The following WDR7 variants were observed in gnomAD, a reference collection of about 807,000 sequenced individuals.
WDR7 encodes WD repeat domain 7, also known as WD repeat-containing protein 7.
WDR7 carries 46 observed loss-of-function variants against 169.4 expected under a neutral mutation model. That is an observed-to-expected ratio of 0.27 (90% CI 0.21 to 0.35). The LOEUF (loss-of-function observed/expected upper bound fraction) is 0.35. Among genes scored for constraint, WDR7 ranks in the 10% least tolerant of loss-of-function variants. The pLI is 1.00. For synonymous variants in WDR7, 612 were observed against 666.8 expected, an observed-to-expected ratio of 0.92 and a Z score of 1.27; for missense variants, 1,534 against 1,859.3, an observed-to-expected ratio of 0.83 and a Z score of 3.22.
intron 14 of WDR7, among the ~76,000 whole-genome samples, chr18:56,742,897 T>C (rs1019516612): frequency 1.5e-4 from 23 of 152,060 alleles, no homozygotes; most frequent in African/African-American, 5.5e-4. Context: ...AAGCACCATG[T>C]GAAGGTGCTT....
chr18:56,947,617 A>G (rs991126144), intron 25 of WDR7, among the ~76,000 whole-genome samples: 5 of 152,180 alleles, frequency 3.3e-5, no homozygotes, highest in Admixed American at 2.0e-4. Flanking sequence ...CAGAAGACCA[A>G]TCAACACGGA....
intron 21 of WDR7, among the ~76,000 whole-genome samples, chr18:56,885,525 G>T (rs2046175650): frequency 6.6e-6 from 1 of 151,846 alleles, no homozygotes; most frequent in African/African-American, 2.4e-5. Context: ...ACAAGCAGAA[G>T]AAAGAACTTC....
intron 2 of WDR7, among the ~76,000 whole-genome samples, chr18:56,677,980 A>G (rs548315785): frequency 7.9e-5 from 12 of 152,136 alleles, no homozygotes; most frequent in African/African-American, 2.4e-4. Flanking sequence ...CTTTGACTGT[A>G]TATTTTCAAA....
intron 13 of WDR7, among the ~76,000 whole-genome samples, chr18:56,726,181 T>C (rs796112091): frequency 2.6e-5 from 4 of 152,142 alleles, no homozygotes; most frequent in South Asian, 4.1e-4. Context: ...TTTTCCAATT[T>C]TGTGAAGAAA....
chr18:56,903,410 ATTATTTAT>A (rs750571595), intron 21 of WDR7, among the ~76,000 whole-genome samples: 12 of 151,708 alleles, frequency 7.9e-5, no homozygotes, highest in African/African-American at 2.7e-4. Context: ...TTTTATTTTT[ATTATTTAT>A]TTATTTATTT....
intron 20 of WDR7, among the ~76,000 whole-genome samples, chr18:56,855,374 C>A (rs118037709): frequency 0.017 from 2,647 of 152,046 alleles, 39 homozygotes; most frequent in Non-Finnish European, 0.028. Context: ...CTTTAAGATG[C>A]CTTTGATAAA....
chr18:56,927,077 C>A (rs778447761), intron 22 of WDR7, among the ~76,000 whole-genome samples: 1 of 152,042 alleles, frequency 6.6e-6, no homozygotes, highest in East Asian at 1.9e-4. Context: ...AATTTCAGTT[C>A]ACGTTTATTG....
In WDR7 at chr18:56,757,319, T is replaced by C. The variant is rs1167141946; in HGVS notation, c.2726T>C (p.Phe909Ser). 1.2e-6 allele frequency: 2 copies of C among 1,610,816 alleles called. No homozygotes were observed. The highest frequency in any genetic ancestry group is 1.7e-6 in the Non-Finnish European group (2 of 1,177,510). ...NTLMSMTNAT[F>S]IGDHMKKGPT... ...TTAATGAGTATGACCAATGCAACTT[T>C]TATTGGTGATCATATGAAGAAGGGT... Residue 909 changes from phenylalanine (F) to serine (S), a missense_variant, in exon 15 of 28, where the codon TTT becomes TCT. Phe to Ser is a radical substitution (Grantham distance 155). Transcript: ENST00000254442.
chr18:56,691,443 G>C, intron 8 of WDR7, 82 bp downstream of exon 8: 1 of 1,387,522 alleles, frequency 7.2e-7, no homozygotes, highest in Non-Finnish European at 9.5e-7. Context: ...TTAAGAAAAT[G>C]TATGTATTAT....
chr18:56,938,489 T>C, intron 23 of WDR7, 44 bp from the exon 24 acceptor site: 1 of 1,594,326 alleles, frequency 6.3e-7, no homozygotes, highest in Non-Finnish European at 8.5e-7. Context: ...AATGTAAAAC[T>C]ATATCAGTGT....
At chr18:57,026,603 CT>C (rs1338567653) in intron 27 of WDR7, among the ~76,000 whole-genome samples, 4 of 152,190 alleles carry the variant, frequency 2.6e-5, no homozygotes, top group Non-Finnish European at 5.9e-5. Flanking sequence ...CAAAACTTGT[CT>C]TCGCTGACTC....
intron 26 of WDR7, among the ~76,000 whole-genome samples, chr18:56,999,248 G>A (rs777309259): frequency 8.5e-5 from 13 of 152,172 alleles, no homozygotes; most frequent in South Asian, 4.1e-4. Flanking sequence ...TCTTTGTACT[G>A]TGTGTGTTAG....
downstream of WDR7, chr18:57,032,819 A>T (rs931996809): frequency 4.7e-5 from 4 of 85,452 alleles, no homozygotes; most frequent in African/African-American, 3.6e-4. Flanking sequence ...ATATATATAT[A>T]TATATATATA....
At chr18:56,901,457 C>T (rs2046400720) in intron 21 of WDR7, among the ~76,000 whole-genome samples, 1 of 152,034 alleles carries the variant, frequency 6.6e-6, no homozygotes, top group South Asian at 2.1e-4. Flanking sequence ...GTAGAGTAAG[C>T]ACAACTAACT....
intron 26 of WDR7, among the ~76,000 whole-genome samples, chr18:57,002,057 G>C (rs1269143151): frequency 6.6e-6 from 1 of 151,942 alleles, no homozygotes; most frequent in Non-Finnish European, 1.5e-5. Flanking sequence ...TGTTTGTTCA[G>C]GTTTTCATTC....
intron 26 of WDR7, among the ~76,000 whole-genome samples, chr18:56,978,718 C>T (rs1156642121): frequency 6.6e-6 from 1 of 152,160 alleles, no homozygotes; most frequent in East Asian, 1.9e-4. Flanking sequence ...AACCAGGTGA[C>T]ATATCAGAAT....
intron 20 of WDR7, among the ~76,000 whole-genome samples, chr18:56,855,149 C>T (rs2145384496): frequency 6.6e-6 from 1 of 152,046 alleles, no homozygotes; most frequent in African/African-American, 2.4e-5. Context: ...CTTATTGTGC[C>T]CTTGGTTTGC....
intron 26 of WDR7, among the ~76,000 whole-genome samples, chr18:56,971,666 G>A (rs2047487958): frequency 6.6e-6 from 1 of 152,128 alleles, no homozygotes; most frequent in South Asian, 2.1e-4. Flanking sequence ...GAGGATATCT[G>A]AACTGAGCAA....
chr18:56,917,620 A>C (rs1210234633), intron 21 of WDR7, among the ~76,000 whole-genome samples: 5 of 152,194 alleles, frequency 3.3e-5, no homozygotes. Context: ...CAGATACTAC[A>C]AAAGTTTTAA....
Sources: gnomAD v4.1 joint callset for allele counts (sites outside exome capture counted in the v4.1 genomes callset) on GRCh38, gnomAD v4.1.1 for gene constraint, MANE v1.5 for transcripts, NCBI Gene and HGNC (gene_info 2026-07-23, HGNC 2026-07-21) for gene names.